CCSER2: variants seen among roughly 807,000 people sequenced by gnomAD.
CCSER2 encodes the protein coiled-coil serine rich protein 2.
CCSER2 carries 46 observed loss-of-function variants against 92.3 expected under a neutral mutation model. That is an observed-to-expected ratio of 0.50 (90% CI 0.39 to 0.64). The LOEUF is 0.64. Ranked by LOEUF, CCSER2 falls within the 30% of genes least tolerant of loss-of-function variation. The pLI, the probability that CCSER2 is intolerant of heterozygous loss-of-function variation, is 0.00. For missense variants in CCSER2, 1,244 were observed against 1,238.9 expected (o/e 1.00, Z -0.06); for synonymous variants, 433 against 431.4 (o/e 1.00, Z -0.04).
chr10:84,506,395 A>G (rs543448667), intron 9 of CCSER2, among the ~76,000 whole-genome samples: 1 of 152,312 alleles, frequency 6.6e-6, no homozygotes, highest in Admixed American at 6.5e-5. Flanking sequence ...ATACAGTATT[A>G]GGGATACAAA....
At position 84,470,217 on chromosome 10, in the gene CCSER2, T is replaced by A. The variant is rs117939850; in HGVS notation, c.2149-155T>A. On this transcript the variant is annotated intron_variant, in intron 7 of 9. Coordinates refer to ENST00000372088, the MANE Select transcript of CCSER2 (RefSeq NM_001284240.2). ...ATTGCTCATTGTCAACATGTCACAC[T>A]TCATTACCGGATGAAATCTTAGATT... Among the ~76,000 whole-genome samples the A allele has an allele frequency of 9.9e-5, 15 of 152,062 alleles. No individual in the cohort carries two copies. The East Asian group carries it at 2.9e-3, about 29-fold the overall frequency.
intron 1 of CCSER2, among the ~76,000 whole-genome samples, chr10:84,344,249 G>A (rs1844360195): frequency 6.6e-6 from 1 of 152,028 alleles, no homozygotes. Flanking sequence ...CAGATTTGCA[G>A]TATTTTCTAC....
intron 3 of CCSER2, among the ~76,000 whole-genome samples, chr10:84,404,210 C>A (rs185493591): frequency 6.6e-6 from 1 of 152,302 alleles, no homozygotes; most frequent in Admixed American, 6.5e-5. Context: ...ACACAGGGGG[C>A]TCCATGCCTT....
At chr10:84,469,414 T>A (rs928471298) in intron 7 of CCSER2, among the ~76,000 whole-genome samples, 10 of 152,138 alleles carry the variant, frequency 6.6e-5, no homozygotes, top group African/African-American at 2.4e-4. Flanking sequence ...CCACATTGTT[T>A]GGGATGCTTA....
intron 3 of CCSER2, chr10:84,389,044 T>C (rs1402393238): frequency 7.9e-6 from 2 of 253,072 alleles, no homozygotes; most frequent in Non-Finnish European, 1.5e-5. Context: ...TTAACATGAA[T>C]GCATTACTAC....
At chr10:84,329,725 G>C (rs1843456889) in intron 1 of CCSER2, among the ~76,000 whole-genome samples, 1 of 152,116 alleles carries the variant, frequency 6.6e-6, no homozygotes, top group Non-Finnish European at 1.5e-5. Context: ...AACTTAAGAT[G>C]CTCTCCTGCA....
chr10:84,441,733 A>ATTTTTTTTTTTTTTTTTTTTT (rs1564667331), intron 6 of CCSER2, among the ~76,000 whole-genome samples: 1 of 115,918 alleles, frequency 8.6e-6, no homozygotes, highest in Non-Finnish European at 1.8e-5. Context: ...AGACTGGGAA[A>ATTTTTTTTTTTTTTTTTTTTT]ATGTTTTTTT....
intron 6 of CCSER2, among the ~76,000 whole-genome samples, chr10:84,440,364 GT>G (rs1277453663): frequency 6.6e-6 from 1 of 152,078 alleles, no homozygotes; most frequent in Non-Finnish European, 1.5e-5. Flanking sequence ...GCTAATAGAA[GT>G]TAAAAGATGA....
chr10:84,499,436 A>T (rs909628520), intron 9 of CCSER2, among the ~76,000 whole-genome samples: 2 of 152,140 alleles, frequency 1.3e-5, no homozygotes, highest in African/African-American at 2.4e-5. Context: ...CACCCGGCCG[A>T]AATAAAAATT....
intron 9 of CCSER2, among the ~76,000 whole-genome samples, chr10:84,479,490 G>A (rs1847336764): frequency 1.3e-5 from 2 of 152,180 alleles, no homozygotes; most frequent in Admixed American, 1.3e-4. Context: ...GATCTCTGAA[G>A]TAGAGAATCA....
rs746041405 is a variant in CCSER2 at position 84,516,286 on chromosome 10, AC to A, written c.*2020del. On this transcript the variant is annotated 3_prime_UTR_variant, in exon 10 of 10. Transcript: ENST00000372088. ...GTGAGCAAGACAAATCTTGTACCATACTCTTATGTACCAGCACTTCTGATGG... is the reference window on the plus strand; with the variant it reads ...GTGAGCAAGACAAATCTTGTACCATATCTTATGTACCAGCACTTCTGATGG... 6.6e-6 allele frequency: 1 copy of A among 152,112 alleles called. No individual in the cohort carries two copies. Among genetic ancestry groups the A allele is most frequent in the Non-Finnish European group, 1.5e-5 (1 of 68,028 alleles). 9.4% of individuals were successfully genotyped at this position (152,112 alleles called of 1,614,324 possible).
chr10:84,352,143 A>AC (rs1402041844), intron 1 of CCSER2, among the ~76,000 whole-genome samples: 7 of 152,022 alleles, frequency 4.6e-5, no homozygotes. Flanking sequence ...TACTAAAAAT[A>AC]TAAAAAAAAA....
intron 3 of CCSER2, among the ~76,000 whole-genome samples, chr10:84,409,735 A>G (rs750299130): frequency 1.3e-5 from 2 of 152,168 alleles, no homozygotes; most frequent in Non-Finnish European, 2.9e-5. Context: ...CTGTAATGTC[A>G]ACATTTATCA....
At chr10:84,373,304 G>C (rs939733505) in intron 2 of CCSER2, among the ~76,000 whole-genome samples, 4 of 151,998 alleles carry the variant, frequency 2.6e-5, no homozygotes, top group Non-Finnish European at 5.9e-5. Flanking sequence ...GGAGTTTCCT[G>C]GCCAGTGTTT....
rs575475478 is a variant in CCSER2 at position 84,508,178 on chromosome 10, C to T, written c.2326-5271C>T. Among the ~76,000 whole-genome samples the T allele has an allele frequency of 2.0e-5, 3 of 151,972 alleles. 1 individual carries two copies. The South Asian group carries it at 6.2e-4, about 32-fold the overall frequency. ...TTTGAACACGTTAACATTTTTTAAC[C>T]CCAGTTTACTCATTTATAGAAAGAA... On this transcript the variant is annotated intron_variant, in intron 9 of 9. Coordinates refer to ENST00000372088, the MANE Select transcript of CCSER2 (RefSeq NM_001284240.2).
At chr10:84,394,085 T>C (rs184825803) in intron 3 of CCSER2, 1 of 152,328 alleles carries the variant, frequency 6.6e-6, no homozygotes, top group Non-Finnish European at 1.5e-5. Context: ...GAAGAAAAGT[T>C]TAAATGTATG....
intron 9 of CCSER2, among the ~76,000 whole-genome samples, chr10:84,506,141 T>TAAAA (rs3044062): frequency 4.8e-5 from 7 of 145,916 alleles, no homozygotes; most frequent in African/African-American, 5.1e-5. Flanking sequence ...CTTTGATACT[T>TAAAA]AAAAAAAAAA....
chr10:84,381,516 G>A (rs931047890), intron 3 of CCSER2, among the ~76,000 whole-genome samples: 1 of 152,212 alleles, frequency 6.6e-6, no homozygotes, highest in Non-Finnish European at 1.5e-5. Flanking sequence ...CACAGATAAT[G>A]TGATTTATGC....
At chr10:84,334,112 A>G (rs1354851619) in intron 1 of CCSER2, among the ~76,000 whole-genome samples, 1 of 152,182 alleles carries the variant, frequency 6.6e-6, no homozygotes, top group Non-Finnish European at 1.5e-5. Context: ...GAGGAGGCAG[A>G]GGGGTAGGGA....
Sources: gnomAD v4.1 joint callset for allele counts (sites outside exome capture counted in the v4.1 genomes callset) on GRCh38, gnomAD v4.1.1 for gene constraint, MANE v1.5 for transcripts, NCBI Gene and HGNC (gene_info 2026-07-23, HGNC 2026-07-21) for gene names.